HIPK2: variants seen among roughly 807,000 people sequenced by gnomAD.
HIPK2 encodes the protein homeodomain-interacting protein kinase 2.
In HIPK2, 27 loss-of-function variants were observed where a neutral mutation model predicts 113.7. The observed-to-expected ratio is 0.24, with a 90% CI of 0.17 to 0.33. The LOEUF is 0.33. Ranked by LOEUF, HIPK2 falls within the 10% of genes least tolerant of loss-of-function variation. The pLI, the probability that HIPK2 is intolerant of heterozygous loss-of-function variation, is 1.00. For missense variants in HIPK2, 1,257 were observed against 1,588.0 expected (o/e 0.79, Z 3.54); for synonymous variants, 631 against 642.2 (o/e 0.98, Z 0.26).
intron 1 of HIPK2, among the ~76,000 whole-genome samples, chr7:139,742,861 A>C (rs1796126973): frequency 6.6e-6 from 1 of 152,230 alleles, no homozygotes. Context: ...TTTGTCTTCC[A>C]AAACAAATTT....
At chr7:139,678,614 C>G (rs1317447884) in intron 2 of HIPK2, among the ~76,000 whole-genome samples, 1 of 152,206 alleles carries the variant, frequency 6.6e-6, no homozygotes, top group Non-Finnish European at 1.5e-5. Flanking sequence ...TAGCATGATG[C>G]CGCTAGCTTT....
chr7:139,729,547 G>C (rs1406936295), intron 1 of HIPK2, among the ~76,000 whole-genome samples: 3 of 152,202 alleles, frequency 2.0e-5, no homozygotes, highest in Non-Finnish European at 4.4e-5. Flanking sequence ...GCATCGAGGA[G>C]GAGCCCCGGC....
chr7:139,666,393 C>A (rs557600574), intron 2 of HIPK2, among the ~76,000 whole-genome samples: 10 of 152,334 alleles, frequency 6.6e-5, no homozygotes, highest in African/African-American at 2.2e-4. Flanking sequence ...CCAGGGCTCA[C>A]TGGAACCATC....
intron 1 of HIPK2, among the ~76,000 whole-genome samples, chr7:139,730,061 C>A (rs1308161821): frequency 2.0e-5 from 3 of 152,170 alleles, no homozygotes; most frequent in Non-Finnish European, 4.4e-5. Flanking sequence ...ATGGACTTTT[C>A]CTATCCTTTA....
chr7:139,639,912 T>C (rs996810206), intron 2 of HIPK2, among the ~76,000 whole-genome samples: 2 of 152,090 alleles, frequency 1.3e-5, no homozygotes, highest in African/African-American at 2.4e-5. Context: ...TTTGGGTTGA[T>C]CATCACATGT....
At chr7:139,755,541 G>A (rs972560715) in intron 1 of HIPK2, among the ~76,000 whole-genome samples, 2 of 152,182 alleles carry the variant, frequency 1.3e-5, no homozygotes, top group African/African-American at 2.4e-5. Flanking sequence ...CTGAGCTGAC[G>A]GGGAAAATCC....
intron 1 of HIPK2, among the ~76,000 whole-genome samples, chr7:139,757,917 TA>T (rs1796388510): frequency 6.6e-6 from 1 of 152,192 alleles, no homozygotes; most frequent in Admixed American, 6.5e-5. Flanking sequence ...CAAGAGGAGA[TA>T]ATGAAAGATA....
At chr7:139,671,137 C>T (rs749118132) in intron 2 of HIPK2, among the ~76,000 whole-genome samples, 10 of 152,072 alleles carry the variant, frequency 6.6e-5, no homozygotes, top group Non-Finnish European at 8.8e-5. Context: ...TTTAAAACTC[C>T]ACAACTGGAA....
intron 2 of HIPK2, among the ~76,000 whole-genome samples, chr7:139,667,924 T>C (rs746948763): frequency 6.6e-4 from 100 of 151,408 alleles, no homozygotes; most frequent in Non-Finnish European, 1.1e-3. Flanking sequence ...GGTCAGGAGT[T>C]CGAGACCAGC....
At chr7:139,731,046 A>C (rs113542523) in intron 1 of HIPK2, among the ~76,000 whole-genome samples, 8 of 152,216 alleles carry the variant, frequency 5.3e-5, no homozygotes, top group African/African-American at 1.4e-4. Flanking sequence ...GTGAGAGAAG[A>C]CATTTCTGTT....
chr7:139,771,610 A>C (rs1360673350), intron 1 of HIPK2, among the ~76,000 whole-genome samples: 3 of 152,206 alleles, frequency 2.0e-5, no homozygotes, highest in African/African-American at 7.2e-5. Context: ...ACAAAGATGA[A>C]TCAGACATGG....
intron 2 of HIPK2, among the ~76,000 whole-genome samples, chr7:139,687,183 C>T (rs1794251342): frequency 6.6e-6 from 1 of 152,234 alleles, no homozygotes; most frequent in Non-Finnish European, 1.5e-5. Flanking sequence ...ACAAGCAATT[C>T]TTCTGCTTCA....
intron 2 of HIPK2, among the ~76,000 whole-genome samples, chr7:139,643,672 A>T (rs946280849): frequency 5.3e-4 from 81 of 152,194 alleles, no homozygotes; most frequent in Non-Finnish European, 1.2e-4. Context: ...ACATGGATCC[A>T]CCTAAACGAT....
At chr7:139,692,323 T>A (rs1266806048) in intron 2 of HIPK2, among the ~76,000 whole-genome samples, 1 of 152,118 alleles carries the variant, frequency 6.6e-6, no homozygotes, top group African/African-American at 2.4e-5. Flanking sequence ...CAAAAATAGA[T>A]GTAAAATCTG....
chr7:139,752,773 T>G (rs1442563640), intron 1 of HIPK2, among the ~76,000 whole-genome samples: 2 of 149,822 alleles, frequency 1.3e-5, no homozygotes, highest in African/African-American at 4.9e-5. Context: ...CTGAAGCACA[T>G]GGAGAACCGG....
chr7:139,669,757 A>T (rs1024866416), intron 2 of HIPK2, among the ~76,000 whole-genome samples: 1 of 152,252 alleles, frequency 6.6e-6, no homozygotes, highest in Non-Finnish European at 1.5e-5. Flanking sequence ...GGCTACATCA[A>T]TTATCATGGA....
At chr7:139,728,181 G>A (rs551411246) in intron 1 of HIPK2, among the ~76,000 whole-genome samples, 51 of 152,142 alleles carry the variant, frequency 3.4e-4, no homozygotes, top group African/African-American at 1.1e-3. Context: ...GGGCTCAAGC[G>A]ATCCTCCTGC....
intron 12 of HIPK2, among the ~76,000 whole-genome samples, chr7:139,591,672 C>T (rs368129314): frequency 1.3e-5 from 2 of 152,282 alleles, no homozygotes; most frequent in Non-Finnish European, 1.5e-5. Context: ...GAGGGTGTGG[C>T]GAAGTCAGCT....
rs1051345148 is a variant in HIPK2, at chr7:139,630,462, A to G, written c.1347+703T>C. ...GCCCAGGCTGGAGTGCAGTGGCACA[A>G]TCTCAGCTCACTGCAACCTCCGCCT... On this transcript the variant is annotated intron_variant, in intron 4 of 14. Transcript: ENST00000406875. This position sits in a 1 kb window ranked among gnomAD's most constrained non-coding sequence, Gnocchi z 4.0. Among the ~76,000 whole-genome samples the G allele has an allele frequency of 6.6e-6, 1 of 152,156 alleles. No individual in the cohort carries two copies. Among genetic ancestry groups the G allele is most frequent in the Non-Finnish European group, 1.5e-5 (1 of 68,032 alleles).
Sources: allele counts gnomAD v4.1 joint callset (sites outside exome capture counted in the v4.1 genomes callset), GRCh38; gene constraint gnomAD v4.1.1; non-coding constraint Gnocchi (gnomAD v3.1); transcripts MANE v1.5; gene names NCBI Gene and HGNC (gene_info 2026-07-23, HGNC 2026-07-21).